HPS5: variants seen among roughly 807,000 people sequenced by gnomAD.
HPS5 encodes the protein BLOC-2 complex member HPS5.
HPS5 carries 83 observed loss-of-function variants against 128.0 expected under a neutral mutation model. The observed-to-expected ratio is 0.65, with a 90% CI of 0.54 to 0.78. HPS5 has a LOEUF of 0.78. Among genes scored for constraint, HPS5 ranks in the 30% least tolerant of loss-of-function variants. HPS5 has a pLI of 0.00. For missense variants in HPS5, 1,281 were observed against 1,326.2 expected (o/e 0.97, Z 0.53); for synonymous variants, 475 against 470.2 (o/e 1.01, Z -0.13).
chr11:18,310,681 G>T, intron 5 of HPS5, 60 bp downstream of exon 5: 1 of 1,323,762 alleles, frequency 7.6e-7, no homozygotes, highest in Non-Finnish European at 1.1e-6. Flanking sequence ...TTAATTGGAA[G>T]TTTTATAAGA....
Position 18,296,045 on chromosome 11 carries a change from A to T in HPS5, c.1588T>A (p.Phe530Ile). ...GACACAAGAGGAGATGGAGAACGAA[A>T]TGGTAATGGAATGCCGAACGGGAGA... Reference protein sequence around the residue: ...TFLPFGIPLPFRSPSPLVSLQ... With the variant: ...TFLPFGIPLPIRSPSPLVSLQ... The change falls in exon 13 of 23, where the codon TTT (phenylalanine) becomes ATT (isoleucine). Residue 530 changes from phenylalanine (F) to isoleucine (I), a missense_variant. Coordinates refer to ENST00000349215, the MANE Select transcript of HPS5 (RefSeq NM_181507.2). 1 of 1,613,802 alleles carries T rather than the reference A, an allele frequency of 6.2e-7. No homozygotes were observed. The highest frequency in any genetic ancestry group is 1.1e-5 in the South Asian group (1 of 91,076).
intron 21 of HPS5, 149 bp downstream of exon 21, chr11:18,283,646 A>C (rs1450680296): frequency 1.5e-6 from 1 of 660,166 alleles, no homozygotes. Context: ...AAACAAAAAC[A>C]AAAACAAAAA....
chr11:18,281,598 G>C (rs1424965179), intron 22 of HPS5, among the ~76,000 whole-genome samples: 1 of 151,850 alleles, frequency 6.6e-6, no homozygotes, highest in African/African-American at 2.4e-5. Context: ...GTAGAGATGG[G>C]GTTTCACCAT....
chr11:18,282,824 G>A (rs1026010683), intron 21 of HPS5, among the ~76,000 whole-genome samples: 3 of 152,184 alleles, frequency 2.0e-5, no homozygotes, highest in Admixed American at 2.0e-4. Context: ...CTATGAGGAA[G>A]TGACATTGAA....
chr11:18,308,701 AG>A (rs1335842126), intron 6 of HPS5, among the ~76,000 whole-genome samples: 4 of 152,292 alleles, frequency 2.6e-5, no homozygotes, highest in African/African-American at 9.6e-5. Flanking sequence ...CTATAGACCT[AG>A]CTACTTGAGA....
Position 18,281,980 on chromosome 11 carries a change from TC to T in HPS5, c.3298del (p.Asp1100IlefsTer3), listed in dbSNP as rs1363171153. ...ELSEKFTRTC[D>X]ILRIAEKRQR... ...CCTTTTCTCAGCAATCCTCAGGATA[TC>T]GCAGGTTCTGGTAAACTTCTCTGAC... On this transcript the variant is annotated frameshift_variant, in exon 22 of 23. Coordinates refer to ENST00000349215, the MANE Select transcript of HPS5 (RefSeq NM_181507.2). LOFTEE classifies it high-confidence loss of function. 6.2e-7 allele frequency: 1 copy of T among 1,614,216 alleles called. No homozygotes were observed. Among genetic ancestry groups the T allele is most frequent in the Admixed American group, 1.7e-5 (1 of 60,028 alleles).
intron 8 of HPS5, 21 bp downstream of exon 8, chr11:18,305,401 C>A: frequency 6.6e-7 from 1 of 1,512,442 alleles, no homozygotes; most frequent in Non-Finnish European, 9.2e-7. Context: ...CCCCCCAGAA[C>A]TAAGGAAAGT....
At chr11:18,304,603 ACTT>A (rs1862135469) in intron 8 of HPS5, among the ~76,000 whole-genome samples, 2 of 152,200 alleles carry the variant, frequency 1.3e-5, no homozygotes, top group Non-Finnish European at 2.9e-5. Context: ...ATTAGTTAAC[ACTT>A]CAATTATTTT....
intron 2 of HPS5, 151 bp from the exon 3 acceptor site, chr11:18,312,175 A>T: frequency 1.5e-6 from 1 of 670,074 alleles, no homozygotes; most frequent in Non-Finnish European, 2.7e-6. Flanking sequence ...CTTATTCTCT[A>T]GTTCTAGAAT....
chr11:18,314,616 T>C (rs1564982612), intron 2 of HPS5: 2 of 152,212 alleles, frequency 1.3e-5, no homozygotes, highest in Non-Finnish European at 2.9e-5. Context: ...AACTTTTATC[T>C]ATGTTCCCAG....
Position 18,310,258 on chromosome 11 carries a change from A to C in HPS5, c.477+483T>G, listed in dbSNP as rs1011924463. ...GCCTGAGGACCTGCAGAGCAGAGCA[A>C]AGCCAGAAGGTGTCTTCAAGATTCC... On this transcript the variant is annotated intron_variant, in intron 5 of 22. Transcript: ENST00000349215. Among the ~76,000 whole-genome samples the C allele has an allele frequency of 7.2e-5, 11 of 152,300 alleles. No homozygotes were observed. The South Asian group carries it at 1.0e-3, about 14-fold the overall frequency.
At position 18,296,130 on chromosome 11, in the gene HPS5, A is replaced by G; in HGVS notation, c.1511-8T>C. ...GAGCATGAGAAACATTGTCTAATGA[A>G]TGGAATCAGGAAAAAAAGAAACAAA... On this transcript the variant is annotated splice_region_variant and splice_polypyrimidine_tract_variant and intron_variant, in intron 12 of 22. Coordinates refer to ENST00000349215, the MANE Select transcript of HPS5 (RefSeq NM_181507.2). The G allele has an allele frequency of 6.2e-7, 1 of 1,612,992 alleles. No homozygotes were observed. Among genetic ancestry groups the G allele is most frequent in the Non-Finnish European group, 8.5e-7 (1 of 1,179,042 alleles).
chr11:18,283,854 CTT>C lies in HPS5; in HGVS notation c.2997_2998del (p.Glu1001GlyfsTer10). 2.5e-6 allele frequency: 4 copies of C among 1,613,514 alleles called. No individual in the cohort carries two copies. Among genetic ancestry groups the C allele is most frequent in the Non-Finnish European group, 3.4e-6 (4 of 1,179,690 alleles). On this transcript the variant is annotated frameshift_variant, in exon 21 of 23. Coordinates refer to ENST00000349215, the MANE Select transcript of HPS5 (RefSeq NM_181507.2). LOFTEE classifies it high-confidence loss of function. Reference sequence around the variant, plus strand: ...ATACACAATATTGGTGAAGGCCTCTCTTCTTCTCTCCAGCTCCAAACAGAGAA... The same window carrying C: ...ATACACAATATTGGTGAAGGCCTCTCCTTCTCTCCAGCTCCAAACAGAGAA...
rs760989387 is a variant in HPS5 at position 18,282,161 on chromosome 11, T to G, written c.3118A>C (p.Ser1040Arg). ...KLLLHLIQSK[S>R]TRPAPQESLN... ...GACTCCTGGGGGGCTGGCCTCGTGCTCTTGCTCTGTATGAGATGAAGGAGA... is the reference window on the plus strand; with the variant it reads ...GACTCCTGGGGGGCTGGCCTCGTGCGCTTGCTCTGTATGAGATGAAGGAGA... Residue 1040 changes from serine (S) to arginine (R), a missense_variant, in exon 22 of 23, where the codon AGC becomes CGC. Ser to Arg is a moderately radical substitution (Grantham distance 110). Coordinates refer to ENST00000349215, the MANE Select transcript of HPS5 (RefSeq NM_181507.2). 5 of 1,614,192 alleles carry G rather than the reference T, an allele frequency of 3.1e-6. No homozygotes were observed. The Middle Eastern group carries it at 6.6e-4, about 213-fold the overall frequency.
At chr11:18,294,894 G>A (rs746019210) in intron 14 of HPS5, 126 bp downstream of exon 14, 58 of 958,258 alleles carry the variant, frequency 6.1e-5, no homozygotes, top group Non-Finnish European at 8.0e-5. Context: ...GTTGGGCCAC[G>A]TTCAAAGCCG....
At chr11:18,296,183 CT>C in intron 12 of HPS5, 61 bp from the exon 13 acceptor site, 1 of 1,559,182 alleles carries the variant, frequency 6.4e-7, no homozygotes, top group Non-Finnish European at 8.8e-7. Flanking sequence ...TTGTTTTAAT[CT>C]TTAAAAAAAT....
chr11:18,279,624 A>G lies in HPS5; in HGVS notation c.*258T>C. On this transcript the variant is annotated 3_prime_UTR_variant, in exon 23 of 23. Transcript: ENST00000349215. ...GGACATTAACATTCTAATTCCAGCA[A>G]ACAAGGACTGACTCTTTTCAAAATT... 1 of 529,300 alleles carries G rather than the reference A, an allele frequency of 1.9e-6. No homozygotes were observed. Among genetic ancestry groups the G allele is most frequent in the Non-Finnish European group, 3.4e-6 (1 of 294,402 alleles). The allele number at this position is 529,300 out of a possible 1,614,324, so 32.8% of individuals were successfully genotyped here. A position where few individuals can be genotyped will look rare whatever the true frequency, so the allele number is the denominator to read the frequency against.
chr11:18,284,082 A>G, intron 20 of HPS5, among the ~76,000 whole-genome samples, 181 bp from the exon 21 acceptor site: 1 of 152,176 alleles, frequency 6.6e-6, no homozygotes, highest in East Asian at 1.9e-4. Context: ...GTCAATGGCT[A>G]CATGTGGCTA....
chr11:18,295,806 A>T (rs566931462), intron 13 of HPS5, among the ~76,000 whole-genome samples, 193 bp downstream of exon 13: 1 of 152,216 alleles, frequency 6.6e-6, no homozygotes, highest in Non-Finnish European at 1.5e-5. Context: ...AACAACTCAA[A>T]TACCAGCTGC....
Sources: gnomAD v4.1 joint callset for allele counts (sites outside exome capture counted in the v4.1 genomes callset) on GRCh38, gnomAD v4.1.1 for gene constraint, MANE v1.5 for transcripts, NCBI Gene and HGNC (gene_info 2026-07-23, HGNC 2026-07-21) for gene names.